Variants in ABCC12 observed in about 807,000 individuals in gnomAD.
The protein encoded by ABCC12 is ATP binding cassette subfamily C member 12, also known as ATP-binding cassette sub-family C member 12.
A neutral mutation model predicts 151.1 loss-of-function variants in ABCC12; 142 were observed. The observed-to-expected ratio is 0.94, with a 90% CI of 0.82 to 1.08. The LOEUF is 1.08. Ranked by LOEUF, ABCC12 falls within the 50% of genes least tolerant of loss-of-function variation. The probability of loss-of-function intolerance (pLI) is 0.00; values close to 1 mark genes in which losing one functional copy is unlikely to be tolerated. For synonymous variants in ABCC12, 645 were observed against 646.4 expected (o/e 1.00, Z 0.03); for missense variants, 1,638 against 1,691.1 (o/e 0.97, Z 0.55).
chr16:48,107,423 AC>A lies in ABCC12; in HGVS notation c.2373del (p.Tyr792ThrfsTer13). 1 of 1,613,934 alleles carries A rather than the reference AC, an allele frequency of 6.2e-7. No homozygotes were observed. The highest frequency in any genetic ancestry group is 1.3e-5 in the African/African-American group (1 of 75,006). On this transcript the variant is annotated frameshift_variant and splice_region_variant, in exon 20 of 31. Transcript: ENST00000311303. LOFTEE classifies it high-confidence loss of function. The stretch of plus-strand genomic sequence containing the variant: ...AACACAGTGAAGAGAGAAAGGAGGT[AC>A]CCTGCAAGAGGAGCGGAGAGGCCCA... ...TYHTYIKASG[G>X]YLLSLFTVFL...
chr16:48,091,041 G>A (rs1416377820), intron 25 of ABCC12, 79 bp downstream of exon 25: 2 of 1,373,830 alleles, frequency 1.5e-6, no homozygotes, highest in Admixed American at 3.4e-5. Context: ...GACCCCTTTC[G>A]CATCTAAAAA....
chr16:48,084,785 C>T (rs369071162), intron 29 of ABCC12, among the ~76,000 whole-genome samples: 2 of 152,152 alleles, frequency 1.3e-5, no homozygotes, highest in African/African-American at 4.8e-5. Flanking sequence ...GGAACATGTT[C>T]GCAGGTTCCA....
intron 24 of ABCC12, among the ~76,000 whole-genome samples, chr16:48,095,042 A>C (rs1963044556): frequency 6.6e-6 from 1 of 152,216 alleles, no homozygotes; most frequent in Non-Finnish European, 1.5e-5. Context: ...AGAAGGGAGG[A>C]GAGTTTAGGA....
At chr16:48,117,735 G>T (rs1470132572) in intron 13 of ABCC12, among the ~76,000 whole-genome samples, 1 of 152,190 alleles carries the variant, frequency 6.6e-6, no homozygotes, top group Non-Finnish European at 1.5e-5. Context: ...GGCTGAAGCA[G>T]GACCGTGGGT....
Position 48,082,307 on chromosome 16 carries a change from C to G in ABCC12, c.*1408G>C, listed in dbSNP as rs894865227. ...CTAAGGCCAGGTGTGCTCACCTCCC[C>G]GCTGGTTGGGTAGACCCCTGCCCAG... On this transcript the variant is annotated 3_prime_UTR_variant, in exon 31 of 31. Transcript: ENST00000311303. Among the ~76,000 whole-genome samples, 1 of 152,236 alleles carries G rather than the reference C, an allele frequency of 6.6e-6. No homozygotes were observed. The highest frequency in any genetic ancestry group is 1.5e-5 in the Non-Finnish European group (1 of 68,042).
chr16:48,138,992 A>AAAAC (rs201907694), intron 7 of ABCC12, among the ~76,000 whole-genome samples, 171 bp downstream of exon 7: 8 of 151,204 alleles, frequency 5.3e-5, no homozygotes, highest in East Asian at 1.9e-4. Context: ...AACAAAAAAC[A>AAAAC]AAACAAACAA....
Position 48,085,726 on chromosome 16 carries a change from C to T in ABCC12, c.3715-20G>A, listed in dbSNP as rs776927129. Reference sequence around the variant, plus strand: ...CATTATCTACAAAACACAAAAAATGCCACATTTGTGCTGATGATCTATAAA... The same window carrying T: ...CATTATCTACAAAACACAAAAAATGTCACATTTGTGCTGATGATCTATAAA... On this transcript the variant is annotated intron_variant, in intron 28 of 30. Transcript: ENST00000311303. 2 of 1,582,800 alleles carry T rather than the reference C, an allele frequency of 1.3e-6. No homozygotes were observed. The highest frequency in any genetic ancestry group is 8.7e-7 in the Non-Finnish European group (1 of 1,151,680).
intron 16 of ABCC12, 53 bp from the exon 17 acceptor site, chr16:48,111,715 G>C (rs1963697739): frequency 6.2e-7 from 1 of 1,614,016 alleles, no homozygotes; most frequent in Non-Finnish European, 8.5e-7. Context: ...ACCTCTCCCA[G>C]GCACGAAATC....
intron 15 of ABCC12, 57 bp from the exon 16 acceptor site, chr16:48,111,967 A>G: frequency 6.3e-7 from 1 of 1,580,754 alleles, no homozygotes; most frequent in Non-Finnish European, 8.6e-7. Flanking sequence ...GCCCATGCCA[A>G]ACTCCTCTCC....
Position 48,124,238 on chromosome 16 carries a change from G to A in ABCC12, c.1562C>T (p.Ser521Phe). 6.2e-7 allele frequency: 1 copy of A among 1,614,182 alleles called. No individual in the cohort carries two copies. Among genetic ancestry groups the A allele is most frequent in the Non-Finnish European group, 8.5e-7 (1 of 1,180,026 alleles). The change falls in exon 12 of 31, where the codon TCC becomes TTC. Residue 521 changes from serine (S) to phenylalanine (F), a missense_variant. Ser to Phe is a radical substitution (Grantham distance 155). Coordinates refer to ENST00000311303, the MANE Select transcript of ABCC12 (RefSeq NM_001393797.1). ...ICGNVGSGKS[S>F]LLAALLGQMQ... is the part of the protein sequence containing the mutation. ...CTGTCCTAGGAGAGCTGCAAGGAGG[G>A]AGCTCTTTCCACTTCCCACATTCCC...
At position 48,104,363 on chromosome 16, in the gene ABCC12, T is replaced by A. The variant is rs1393093086; in HGVS notation, c.2679A>T (p.Leu893Phe). ...TGTCAAAGAAACTCATTGGGCTCTTTAAGATCTGTGGAGAATGGTAGAGAG... is the reference window on the plus strand; with the variant it reads ...TGTCAAAGAAACTCATTGGGCTCTTAAAGATCTGTGGAGAATGGTAGAGAG... ...SLHDTVFDKI[L>F]KSPMSFFDTT... Residue 893 changes from leucine (L) to phenylalanine (F), a missense_variant, in exon 22 of 31, where the codon TTA becomes TTT. Coordinates refer to ENST00000311303, the MANE Select transcript of ABCC12 (RefSeq NM_001393797.1). 6.2e-7 allele frequency: 1 copy of A among 1,614,116 alleles called. No homozygotes were observed. Among genetic ancestry groups the A allele is most frequent in the South Asian group, 1.1e-5 (1 of 91,082 alleles).
chr16:48,087,737 G>A lies in ABCC12; in HGVS notation c.3635+189C>T, dbSNP rs1403327984. ...AAAACACAAGTAATGCTCAGACCCC[G>A]GGCCCTGGCTCCTCCCAAGGCTGGA... On this transcript the variant is annotated intron_variant, in intron 27 of 30. Coordinates refer to ENST00000311303, the MANE Select transcript of ABCC12 (RefSeq NM_001393797.1). The A allele has an allele frequency of 1.0e-4, 56 of 555,472 alleles. No individual in the cohort carries two copies. The East Asian group carries it at 1.1e-3, about 11-fold the overall frequency. The allele number at this position is 555,472 out of a possible 1,614,324, so 34.4% of individuals were successfully genotyped here.
chr16:48,110,173 G>C (rs1323340088), intron 18 of ABCC12, among the ~76,000 whole-genome samples: 1 of 152,170 alleles, frequency 6.6e-6, no homozygotes, highest in African/African-American at 2.4e-5. Flanking sequence ...TTCCAAATGT[G>C]CGTGCATTTG....
At position 48,083,621 on chromosome 16, in the gene ABCC12, G is replaced by A; in HGVS notation, c.*94C>T. On this transcript the variant is annotated 3_prime_UTR_variant, in exon 31 of 31. Coordinates refer to ENST00000311303, the MANE Select transcript of ABCC12 (RefSeq NM_001393797.1). ...GTGGATGGGAGGGGCTGAAGACCAG[G>A]GCTGCCTGCGGAGAGGACAGCCCCT... is the stretch of plus-strand genomic sequence containing the variant. 7.7e-7 allele frequency: 1 copy of A among 1,298,298 alleles called. No homozygotes were observed. Among genetic ancestry groups the A allele is most frequent in the Admixed American group, 2.0e-5 (1 of 49,534 alleles). 80.4% of individuals were successfully genotyped at this position (1,298,298 alleles called of 1,614,324 possible).
intron 29 of ABCC12, 78 bp from the exon 30 acceptor site, chr16:48,084,151 A>G: frequency 7.0e-7 from 1 of 1,420,222 alleles, no homozygotes; most frequent in Non-Finnish European, 9.5e-7. Flanking sequence ...TACTTTAAAA[A>G]AAAGAAGAAG....
In ABCC12 at chr16:48,153,795, G is replaced by T. The variant is rs893062861; in HGVS notation, c.-230C>A. ...ATTGGTGCTAGAAGGTAATTTCCTT[G>T]AGTGCTCCCCAGGGCATGTGAAGTT... On this transcript the variant is annotated 5_prime_UTR_variant, in exon 2 of 31. Coordinates refer to ENST00000311303, the MANE Select transcript of ABCC12 (RefSeq NM_001393797.1). 3.9e-5 allele frequency: 6 copies of T among 152,204 alleles called. No individual in the cohort carries two copies. The highest frequency in any genetic ancestry group is 1.2e-4 in the African/African-American group (5 of 41,436). 9.4% of individuals were successfully genotyped at this position (152,204 alleles called of 1,614,324 possible).
At chr16:48,086,947 A>G in intron 27 of ABCC12, 128 bp from the exon 28 acceptor site, 1 of 788,312 alleles carries the variant, frequency 1.3e-6, no homozygotes, top group Non-Finnish European at 2.2e-6. Context: ...TGCTCCAAGA[A>G]TAGTGCTCAG....
intron 19 of ABCC12, among the ~76,000 whole-genome samples, chr16:48,108,017 A>G (rs1963555865): frequency 6.6e-6 from 1 of 152,182 alleles, no homozygotes; most frequent in Non-Finnish European, 1.5e-5. Flanking sequence ...TCAAAAAAAA[A>G]AGGAAAGAAA....
At chr16:48,112,771 A>G (rs781209713) in intron 15 of ABCC12, among the ~76,000 whole-genome samples, 41 of 152,110 alleles carry the variant, frequency 2.7e-4, no homozygotes, top group Admixed American at 2.0e-4. Context: ...GAAGCAGACC[A>G]CGGTGTGGTC....
Sources: gnomAD v4.1 joint callset for allele counts (sites outside exome capture counted in the v4.1 genomes callset) on GRCh38, gnomAD v4.1.1 for gene constraint, MANE v1.5 for transcripts, NCBI Gene and HGNC (gene_info 2026-07-23, HGNC 2026-07-21) for gene names.